Variants in ASH1L observed in about 807,000 individuals in gnomAD.
ASH1L encodes ASH1 like histone lysine methyltransferase.
ASH1L carries 23 observed loss-of-function variants against 269.0 expected under a neutral mutation model. The ratio of observed to expected loss-of-function variants is 0.09; its 90% CI spans 0.06 to 0.12. ASH1L has a LOEUF of 0.12. ASH1L is among the 10% of genes least tolerant of loss of function. The pLI, the probability that ASH1L is intolerant of heterozygous loss-of-function variation, is 1.00. For missense variants in ASH1L, 2,912 were observed against 3,567.8 expected (o/e 0.82, Z 4.68); for synonymous variants, 1,187 against 1,253.5 (o/e 0.95, Z 1.12).
chr1:155,460,186 G>T (rs1664183769), intron 3 of ASH1L, among the ~76,000 whole-genome samples: 1 of 152,152 alleles, frequency 6.6e-6, no homozygotes, highest in Non-Finnish European at 1.5e-5. Flanking sequence ...GTTTTCATGT[G>T]TTACTAGCCT....
chr1:155,506,173 C>CT (rs1311329402), intron 2 of ASH1L, among the ~76,000 whole-genome samples: 1 of 152,128 alleles, frequency 6.6e-6, no homozygotes, highest in African/African-American at 2.4e-5. Context: ...TGAACTCATT[C>CT]TTTTTTATGG....
chr1:155,511,778 A>G (rs901657286), intron 2 of ASH1L, among the ~76,000 whole-genome samples: 2 of 152,172 alleles, frequency 1.3e-5, no homozygotes, highest in African/African-American at 4.8e-5. Flanking sequence ...TGCTGGGATT[A>G]CAGGGGTGAG....
At chr1:155,408,377 A>G (rs1011674537) in intron 6 of ASH1L, among the ~76,000 whole-genome samples, 1 of 152,222 alleles carries the variant, frequency 6.6e-6, no homozygotes, top group East Asian at 1.9e-4. Context: ...GGCTAGAAGC[A>G]TGGCATCATA....
chr1:155,486,674 C>A (rs1386401637), intron 2 of ASH1L, among the ~76,000 whole-genome samples: 1 of 151,992 alleles, frequency 6.6e-6, no homozygotes, highest in Non-Finnish European at 1.5e-5. Flanking sequence ...TATGTATCCA[C>A]AAAAATTAAA....
intron 1 of ASH1L, among the ~76,000 whole-genome samples, chr1:155,524,975 C>T (rs915319144): frequency 3.0e-4 from 46 of 152,140 alleles, no homozygotes; most frequent in South Asian, 1.9e-3. Context: ...TGCCTGGGCA[C>T]GGTGGCTCAC....
chr1:155,438,055 C>T (rs1396701902), intron 5 of ASH1L, among the ~76,000 whole-genome samples: 1 of 152,104 alleles, frequency 6.6e-6, no homozygotes, highest in African/African-American at 2.4e-5. Context: ...ACCATGTTGG[C>T]CAGGCTGGTC....
At chr1:155,409,297 T>A (rs1265395609) in intron 6 of ASH1L, among the ~76,000 whole-genome samples, 2 of 152,130 alleles carry the variant, frequency 1.3e-5, no homozygotes, top group African/African-American at 4.8e-5. Flanking sequence ...ATTACAGGGA[T>A]GAGCAACCAC....
chr1:155,459,992 G>A (rs1259638446), intron 3 of ASH1L, 94 bp from the exon 4 acceptor site: 46 of 898,702 alleles, frequency 5.1e-5, no homozygotes, highest in Non-Finnish European at 7.3e-5. Context: ...CAGTTTAGTT[G>A]CTGCCACTGT....
chr1:155,419,764 T>G (rs1339840139), intron 5 of ASH1L, among the ~76,000 whole-genome samples: 1 of 152,166 alleles, frequency 6.6e-6, no homozygotes, highest in Non-Finnish European at 1.5e-5. Flanking sequence ...TCATATATGT[T>G]CAGTATCATA....
chr1:155,428,569 C>T (rs1460680002), intron 5 of ASH1L, among the ~76,000 whole-genome samples: 1 of 152,074 alleles, frequency 6.6e-6, no homozygotes, highest in Non-Finnish European at 1.5e-5. Context: ...GCCATGACAC[C>T]CACGCTGGAA....
At chr1:155,474,855 C>T (rs972287142) in intron 3 of ASH1L, among the ~76,000 whole-genome samples, 3 of 152,212 alleles carry the variant, frequency 2.0e-5, no homozygotes, top group Non-Finnish European at 4.4e-5. Flanking sequence ...TAGACTACTG[C>T]AATTGCCTAT....
intron 3 of ASH1L, among the ~76,000 whole-genome samples, chr1:155,471,836 T>G (rs904912154): frequency 1.3e-5 from 2 of 152,250 alleles, no homozygotes; most frequent in African/African-American, 4.8e-5. Flanking sequence ...GCATCTGCAG[T>G]CTCATGATGA....
intron 7 of ASH1L, among the ~76,000 whole-genome samples, chr1:155,390,509 A>G (rs1205989132): frequency 6.6e-6 from 1 of 152,214 alleles, no homozygotes; most frequent in African/African-American, 2.4e-5. Flanking sequence ...AAAACTTGAC[A>G]AAGACTTTAA....
rs370173712 is a variant in ASH1L, at chr1:155,535,365, CAG to C, written c.-99-13749_-99-13748del. Among the ~76,000 whole-genome samples the C allele has an allele frequency of 2.3e-3, 355 of 152,210 alleles. 4 individuals are homozygous for C. Among genetic ancestry groups the C allele is most frequent in the South Asian group, 0.021 (99 of 4,826 alleles). Reference sequence around the variant, plus strand: ...TCACCTCAGCCTCCCGCGCAGCTAACAGGGGGCAAGCCACCATGCCTGCTCAT... The same window carrying C: ...TCACCTCAGCCTCCCGCGCAGCTAACGGGGCAAGCCACCATGCCTGCTCAT... On this transcript the variant is annotated intron_variant, in intron 1 of 27. Coordinates refer to ENST00000392403, the MANE Select transcript of ASH1L (RefSeq NM_018489.3).
chr1:155,443,753 G>A lies in ASH1L; in HGVS notation c.5087-4685C>T, dbSNP rs987071787. Among the ~76,000 whole-genome samples the A allele has an allele frequency of 3.3e-5, 5 of 151,998 alleles. No homozygotes were observed. In the East Asian group the frequency reaches 9.6e-4, roughly 29 times the overall value. ...CATAAATCTGAGAATCATTCACATT[G>A]CCACATTTCTTTTTACTGTTCCTTT... is the stretch of plus-strand genomic sequence containing the variant. On this transcript the variant is annotated intron_variant, in intron 4 of 27. Coordinates refer to ENST00000392403, the MANE Select transcript of ASH1L (RefSeq NM_018489.3).
intron 4 of ASH1L, among the ~76,000 whole-genome samples, chr1:155,453,112 T>C (rs1409732865): frequency 1.3e-5 from 2 of 151,842 alleles, no homozygotes; most frequent in Non-Finnish European, 2.9e-5. Context: ...CCCAGCACTT[T>C]GGGGGGCCGA....
At chr1:155,448,297 T>C (rs1217107650) in intron 4 of ASH1L, among the ~76,000 whole-genome samples, 1 of 152,248 alleles carries the variant, frequency 6.6e-6, no homozygotes, top group East Asian at 1.9e-4. Context: ...CCTTTCAGCT[T>C]AGAAATAGCT....
At chr1:155,522,204 T>C (rs1668936827) in intron 1 of ASH1L, among the ~76,000 whole-genome samples, 1 of 152,252 alleles carries the variant, frequency 6.6e-6, no homozygotes, top group African/African-American at 2.4e-5. Flanking sequence ...TATCAGGCTT[T>C]TTGAGGTTAG....
Position 155,370,599 on chromosome 1 carries a change from G to A in ASH1L, c.6591C>T (p.Asn2197=). The A allele has an allele frequency of 2.5e-6, 4 of 1,614,104 alleles. No individual in the cohort carries two copies. The highest frequency in any genetic ancestry group is 4.5e-5 in the East Asian group (2 of 44,892). The change falls in exon 12 of 28, where the codon AAC becomes AAT. Residue 2197 remains asparagine, a synonymous_variant. Coordinates refer to ENST00000392403, the MANE Select transcript of ASH1L (RefSeq NM_018489.3). ...YHNHSDHYCL[N]LDSGMVIDSY... ...TGTCAATCACCATCCCACTATCCAG[G>A]TTCAGGCAGTAGTGGTCACTGTGAT... is the stretch of plus-strand genomic sequence containing the variant.
Sources: gnomAD v4.1 joint callset for allele counts (sites outside exome capture counted in the v4.1 genomes callset) on GRCh38, gnomAD v4.1.1 for gene constraint, MANE v1.5 for transcripts, NCBI Gene and HGNC (gene_info 2026-07-23, HGNC 2026-07-21) for gene names.